The following SORT1 variants were observed in gnomAD, a reference collection of about 807,000 sequenced individuals.
The protein encoded by SORT1 is sortilin.
A neutral mutation model predicts 101.7 loss-of-function variants in SORT1; 39 were observed. That is an observed-to-expected ratio of 0.38 (90% CI 0.30 to 0.50). SORT1 has a LOEUF of 0.50. Among genes scored for constraint, SORT1 ranks in the 20% least tolerant of loss-of-function variants. The pLI, the probability that SORT1 is intolerant of heterozygous loss-of-function variation, is 0.90. For synonymous variants in SORT1, 396 were observed against 393.7 expected (o/e 1.01, Z -0.07); for missense variants, 878 against 1,040.4 (o/e 0.84, Z 2.15).
In SORT1 at chr1:109,313,453, T is replaced by C. The variant is rs920893533; in HGVS notation, c.*590A>G. ...AGGGAAAAGAAAAATCACTGTGGTC[T>C]GTGGTCTCTGAAAAAAAAAAAAAGA... On this transcript the variant is annotated 3_prime_UTR_variant, in exon 20 of 20. Transcript: ENST00000256637. 6.5e-6 allele frequency: 1 copy of C among 152,686 alleles called. No homozygotes were observed. Among genetic ancestry groups the C allele is most frequent in the Admixed American group, 6.5e-5 (1 of 15,276 alleles). 9.5% of individuals were successfully genotyped at this position (152,686 alleles called of 1,614,324 possible). A position where few individuals can be genotyped will look rare whatever the true frequency, so the allele number is the denominator to read the frequency against.
At chr1:109,380,093 T>C (rs1398186003) in intron 1 of SORT1, among the ~76,000 whole-genome samples, 4 of 151,970 alleles carry the variant, frequency 2.6e-5, no homozygotes, top group African/African-American at 7.3e-5. Context: ...CTGGGCAACA[T>C]AGTGAGACCC....
At chr1:109,343,202 G>A (rs2101584377) in intron 8 of SORT1, among the ~76,000 whole-genome samples, 1 of 152,224 alleles carries the variant, frequency 6.6e-6, no homozygotes, top group East Asian at 1.9e-4. Flanking sequence ...CAGGGTTATT[G>A]GGAGGATATT....
At chr1:109,347,336 G>A in intron 7 of SORT1, 147 bp downstream of exon 7, 1 of 576,820 alleles carries the variant, frequency 1.7e-6, no homozygotes. Context: ...TTACTTTCAA[G>A]ATTTTAATAA....
rs145159492 is a variant in SORT1 at position 109,369,563 on chromosome 1, T to C, written c.333A>G (p.Ser111=). 478 of 1,609,922 alleles carry C rather than the reference T, an allele frequency of 3.0e-4. No individual in the cohort carries two copies. The highest frequency in any genetic ancestry group is 3.8e-4 in the Non-Finnish European group (452 of 1,176,298). ...TATCTCCAACCCAGGACAAGGATAC[T>C]GAGCCTCTGAGATCATCAAACACAT... is the stretch of plus-strand genomic sequence containing the variant. ...HQHVFDDLRG[S]VSLSWVGDST... Residue 111 remains serine, a synonymous_variant, in exon 2 of 20, where the codon TCA becomes TCG. Coordinates refer to ENST00000256637, the MANE Select transcript of SORT1 (RefSeq NM_002959.7).
At chr1:109,343,015 A>G (rs1649329773) in intron 8 of SORT1, among the ~76,000 whole-genome samples, 1 of 152,178 alleles carries the variant, frequency 6.6e-6, no homozygotes, top group African/African-American at 2.4e-5. Flanking sequence ...ACCAGAGTTC[A>G]AAAGTACATC....
chr1:109,369,647 C>T (rs576077694), intron 1 of SORT1, 58 bp from the exon 2 acceptor site: 54 of 1,125,054 alleles, frequency 4.8e-5, no homozygotes, highest in Middle Eastern at 2.0e-4. Context: ...CAATCTTTGG[C>T]TTCTTTAAAT....
chr1:109,379,577 C>T (rs904511077), intron 1 of SORT1, among the ~76,000 whole-genome samples: 8 of 152,132 alleles, frequency 5.3e-5, no homozygotes, highest in African/African-American at 1.7e-4. Context: ...CCCTGAGGAG[C>T]CCAGAGCAAA....
intron 18 of SORT1, 121 bp downstream of exon 18, chr1:109,314,551 T>A: frequency 8.8e-7 from 1 of 1,131,148 alleles, no homozygotes; most frequent in South Asian, 1.5e-5. Context: ...GATTTGGGCC[T>A]GATTTTTCAG....
intron 1 of SORT1, among the ~76,000 whole-genome samples, chr1:109,376,836 T>C (rs915079636): frequency 7.2e-5 from 11 of 152,176 alleles, no homozygotes; most frequent in Admixed American, 2.0e-4. Flanking sequence ...TCGCACAATA[T>C]ACCCAGGTAA....
chr1:109,390,114 C>G (rs1652808995), intron 1 of SORT1, among the ~76,000 whole-genome samples: 1 of 152,204 alleles, frequency 6.6e-6, no homozygotes, highest in South Asian at 2.1e-4. Context: ...CTTGGATTTT[C>G]CTACTTCCTT....
At chr1:109,369,661 T>C in intron 1 of SORT1, 72 bp from the exon 2 acceptor site, 1 of 977,818 alleles carries the variant, frequency 1.0e-6, no homozygotes, top group Non-Finnish European at 1.7e-6. Flanking sequence ...TTTAAATATC[T>C]GAACTTTATT....
intron 1 of SORT1, among the ~76,000 whole-genome samples, chr1:109,374,588 C>CA (rs1297031182): frequency 0.02 from 2,584 of 129,388 alleles, 62 homozygotes; most frequent in African/African-American, 0.063. Context: ...AACACCGTCT[C>CA]AAAAAAAAAA....
intron 11 of SORT1, among the ~76,000 whole-genome samples, chr1:109,332,823 T>C (rs1199800239): frequency 6.6e-6 from 1 of 152,220 alleles, no homozygotes; most frequent in Non-Finnish European, 1.5e-5. Context: ...TATTGTCAAC[T>C]TAACTTTGAC....
At position 109,354,537 on chromosome 1, in the gene SORT1, A is replaced by G; in HGVS notation, c.544-6T>C. ...ACCTCTGCTGTTAACACCACCTGAT[A>G]GGAAGAGGAAAGATCTGATTCAGGG... On this transcript the variant is annotated splice_polypyrimidine_tract_variant and splice_region_variant and intron_variant, in intron 4 of 19. Coordinates refer to ENST00000256637, the MANE Select transcript of SORT1 (RefSeq NM_002959.7). 1 of 1,608,934 alleles carries G rather than the reference A, an allele frequency of 6.2e-7. No individual in the cohort carries two copies. The highest frequency in any genetic ancestry group is 8.5e-7 in the Non-Finnish European group (1 of 1,176,150).
At chr1:109,377,070 A>G (rs1459101628) in intron 1 of SORT1, among the ~76,000 whole-genome samples, 2 of 152,220 alleles carry the variant, frequency 1.3e-5, no homozygotes, top group African/African-American at 2.4e-5. Flanking sequence ...TAATTATCAC[A>G]GCTCAAAGTG....
intron 10 of SORT1, among the ~76,000 whole-genome samples, chr1:109,339,828 A>C (rs1649091634): frequency 6.6e-6 from 1 of 152,194 alleles, no homozygotes; most frequent in Non-Finnish European, 1.5e-5. Flanking sequence ...CTGAAAATGG[A>C]AACAGCCTAA....
intron 1 of SORT1, among the ~76,000 whole-genome samples, chr1:109,390,365 A>G (rs758531490): frequency 1.1e-4 from 16 of 152,230 alleles, no homozygotes; most frequent in Non-Finnish European, 2.2e-4. Context: ...ACATCTATAT[A>G]GTACTTTACC....
chr1:109,375,540 T>G (rs1445662140), intron 1 of SORT1, among the ~76,000 whole-genome samples: 1 of 2,482 alleles, frequency 4.0e-4, no homozygotes, highest in African/African-American at 1.1e-3. Flanking sequence ...AGACTCCGTT[T>G]CAAAAAAAAA....
chr1:109,338,115 A>C (rs560344871), intron 10 of SORT1, among the ~76,000 whole-genome samples: 4 of 152,210 alleles, frequency 2.6e-5, no homozygotes, highest in Non-Finnish European at 4.4e-5. Context: ...GTGTGTGAGG[A>C]GGCGAGGGCA....
Sources: allele counts gnomAD v4.1 joint callset (sites outside exome capture counted in the v4.1 genomes callset), GRCh38; gene constraint gnomAD v4.1.1; transcripts MANE v1.5; gene names NCBI Gene and HGNC (gene_info 2026-07-23, HGNC 2026-07-21).